POLR2C: variants seen among roughly 807,000 people sequenced by gnomAD.
POLR2C encodes DNA-directed RNA polymerase II subunit RPB3.
Under a neutral mutation model 41.7 loss-of-function variants are expected in POLR2C, and 36 were observed. The observed-to-expected ratio is 0.86, with a 90% CI of 0.66 to 1.14. The LOEUF (loss-of-function observed/expected upper bound fraction) is 1.14. Ranked by LOEUF, POLR2C falls within the 50% of genes most tolerant of loss-of-function variation. The pLI is 0.00. For synonymous variants in POLR2C, 133 were observed against 137.8 expected, an observed-to-expected ratio of 0.96 and a Z score of 0.25; for missense variants, 260 against 350.4, an observed-to-expected ratio of 0.74 and a Z score of 2.06.
intron 4 of POLR2C, among the ~76,000 whole-genome samples, chr16:57,466,540 A>G (rs754906291): frequency 1.8e-4 from 28 of 152,174 alleles, no homozygotes; most frequent in Admixed American, 1.6e-3. Flanking sequence ...ACAGGAGTCA[A>G]CAGAAGGTTG....
intron 8 of POLR2C, among the ~76,000 whole-genome samples, chr16:57,470,668 A>T (rs1318709028): frequency 1.3e-5 from 2 of 152,192 alleles, no homozygotes; most frequent in East Asian, 3.9e-4. Context: ...GGTGACTGTG[A>T]AAGGTCTATC....
chr16:57,463,010 T>C lies in POLR2C; in HGVS notation c.87-19T>C. The C allele has an allele frequency of 6.2e-7, 1 of 1,611,686 alleles. No homozygotes were observed. Among genetic ancestry groups the C allele is most frequent in the Non-Finnish European group, 8.5e-7 (1 of 1,178,174 alleles). On this transcript the variant is annotated intron_variant, in intron 1 of 8. Coordinates refer to ENST00000219252, the MANE Select transcript of POLR2C (RefSeq NM_032940.3). ...CGAGGCTGCAGCGCCTTCACGCCCC[T>C]TGGCTTTTGATCTTTCAGGGTGGCC...
intron 4 of POLR2C, among the ~76,000 whole-genome samples, chr16:57,466,555 A>G (rs542781314): frequency 6.6e-6 from 1 of 152,300 alleles, no homozygotes; most frequent in Non-Finnish European, 1.5e-5. Flanking sequence ...AGGTTGGGGT[A>G]GGCAAGGAGC....
intron 8 of POLR2C, among the ~76,000 whole-genome samples, 199 bp from the exon 9 acceptor site, chr16:57,470,776 A>G (rs192808268): frequency 6.6e-6 from 1 of 152,326 alleles, no homozygotes; most frequent in East Asian, 1.9e-4. Context: ...AGGTAGTTGT[A>G]GCCTCCTTGA....
At chr16:57,466,064 G>T (rs374581053) in intron 3 of POLR2C, 43 bp downstream of exon 3, 6 of 1,450,274 alleles carry the variant, frequency 4.1e-6, no homozygotes, top group Non-Finnish European at 5.8e-6. Context: ...AGGGTATTGT[G>T]CCTAGTGTCA....
rs1419716585 is a variant in POLR2C, at chr16:57,469,374, A to G, written c.387+81A>G. 6.7e-7 allele frequency: 1 copy of G among 1,483,634 alleles called. No homozygotes were observed. Among genetic ancestry groups the G allele is most frequent in the East Asian group, 2.3e-5 (1 of 44,206 alleles). 91.9% of individuals were successfully genotyped at this position (1,483,634 alleles called of 1,614,324 possible). On this transcript the variant is annotated intron_variant, in intron 5 of 8. Transcript: ENST00000219252. The surrounding 1 kb of genome is among the most constrained non-coding windows in gnomAD (Gnocchi z 5.8). ...CTCCAAGTGGGCCAGACTGGGGTTG[A>G]TCCTTAGAAAATGTTGGCTTTCCCT...
Position 57,469,807 on chromosome 16 carries a change from G to T in POLR2C, c.439+46G>T. 1 of 1,590,472 alleles carries T rather than the reference G, an allele frequency of 6.3e-7. No individual in the cohort carries two copies. The highest frequency in any genetic ancestry group is 8.6e-7 in the Non-Finnish European group (1 of 1,158,502). ...ACCGTGTGGGCCAGCGGGAAGGAGGGACCAGACACAGCCTCTCGTGCTGCC... is the reference window on the plus strand; with the variant it reads ...ACCGTGTGGGCCAGCGGGAAGGAGGTACCAGACACAGCCTCTCGTGCTGCC... On this transcript the variant is annotated intron_variant, in intron 6 of 8. Coordinates refer to ENST00000219252, the MANE Select transcript of POLR2C (RefSeq NM_032940.3). This position sits in a 1 kb window ranked among gnomAD's most constrained non-coding sequence, Gnocchi z 5.8.
At chr16:57,464,495 T>C (rs2030655601) in intron 2 of POLR2C, among the ~76,000 whole-genome samples, 1 of 152,236 alleles carries the variant, frequency 6.6e-6, no homozygotes, top group East Asian at 1.9e-4. Flanking sequence ...TGATTATACT[T>C]GTATGAAATA....
At position 57,469,659 on chromosome 16, in the gene POLR2C, A is replaced by T. The variant is rs1164839117; in HGVS notation, c.388-51A>T. On this transcript the variant is annotated intron_variant, in intron 5 of 8. Transcript: ENST00000219252. The surrounding 1 kb of genome is among the most constrained non-coding windows in gnomAD (Gnocchi z 5.8). ...GGTGCTGGGATATGGATGCCAGAGG[A>T]GGTGACTGGGGAGGTGAGCAGCTAA... 2.1e-6 allele frequency: 3 copies of T among 1,442,462 alleles called. No individual in the cohort carries two copies. Among genetic ancestry groups the T allele is most frequent in the Non-Finnish European group, 2.9e-6 (3 of 1,024,712 alleles). 89.4% of individuals were successfully genotyped at this position (1,442,462 alleles called of 1,614,324 possible). A position where few individuals can be genotyped will look rare whatever the true frequency, so the allele number is the denominator to read the frequency against.
At chr16:57,470,425 A>T (rs980700543) in intron 8 of POLR2C, 71 bp downstream of exon 8, 34 of 1,118,832 alleles carry the variant, frequency 3.0e-5, no homozygotes, top group South Asian at 9.8e-5. Flanking sequence ...GCCGTGAGTT[A>T]GGCATTCCCT....
rs905923306 is a variant in POLR2C, at chr16:57,469,604, C to T, written c.388-106C>T. The T allele has an allele frequency of 4.5e-5, 44 of 985,762 alleles. No individual in the cohort carries two copies. The highest frequency in any genetic ancestry group is 2.0e-4 in the Middle Eastern group (1 of 4,930). 61.1% of individuals were successfully genotyped at this position (985,762 alleles called of 1,614,324 possible). ...CTGTGCCACCACCTCGTCAGGTGTT[C>T]GTTCCCTGGTTGACAGATTGCAGTC... On this transcript the variant is annotated intron_variant, in intron 5 of 8. Coordinates refer to ENST00000219252, the MANE Select transcript of POLR2C (RefSeq NM_032940.3). The surrounding 1 kb of genome is among the most constrained non-coding windows in gnomAD (Gnocchi z 5.8).
rs1244472861 is a variant in POLR2C at position 57,469,146 on chromosome 16, GCTTCCCTTCCTGC to G, written c.259-15_259-3del. 1 of 1,605,300 alleles carries G rather than the reference GCTTCCCTTCCTGC, an allele frequency of 6.2e-7. No homozygotes were observed. ...TGCCATCTCCCTTTGACTCATTCCT[GCTTCCCTTCCTGC>G]CTTAGGACTGCACATGTGAGGAGTT... is the stretch of plus-strand genomic sequence containing the variant. On this transcript the variant is annotated splice_polypyrimidine_tract_variant and splice_region_variant and intron_variant, in intron 4 of 8. Transcript: ENST00000219252. The surrounding 1 kb of genome is among the most constrained non-coding windows in gnomAD (Gnocchi z 5.8).
chr16:57,464,664 AC>A (rs1221336491), intron 2 of POLR2C, among the ~76,000 whole-genome samples: 2 of 55,122 alleles, frequency 3.6e-5, no homozygotes, highest in African/African-American at 6.9e-5. Context: ...CCACCACCCC[AC>A]CCCCCCGCCC....
chr16:57,470,965 T>G lies in POLR2C; in HGVS notation c.684-10T>G. 1.2e-6 allele frequency: 2 copies of G among 1,611,664 alleles called. No homozygotes were observed. The highest frequency in any genetic ancestry group is 1.7e-6 in the Non-Finnish European group (2 of 1,179,788). ...CCTCGCAGTGCACTCACTGGACTCT[T>G]GCCTCCTAGGTTTTACTACAATGTG... is the stretch of plus-strand genomic sequence containing the variant. On this transcript the variant is annotated splice_polypyrimidine_tract_variant and intron_variant, in intron 8 of 8. Transcript: ENST00000219252.
chr16:57,466,212 G>A lies in POLR2C; in HGVS notation c.243G>A (p.Lys81=), dbSNP rs1355258067. The A allele has an allele frequency of 1.3e-6, 2 of 1,596,454 alleles. No individual in the cohort carries two copies. The highest frequency in any genetic ancestry group is 1.8e-5 in the Admixed American group (1 of 55,950). The change falls in exon 4 of 9, where the codon AAG becomes AAA. Residue 81 remains lysine, a synonymous_variant. Coordinates refer to ENST00000219252, the MANE Select transcript of POLR2C (RefSeq NM_032940.3). ...IPLISDDIVD[K]LQYSRDCTCE... is the part of the protein sequence containing the mutation. The stretch of plus-strand genomic sequence containing the variant: ...TCATTAGTGATGACATTGTGGACAA[G>A]CTGCAGTACTCTCGGGTATGTTGTG...
intron 2 of POLR2C, 23 bp downstream of exon 2, chr16:57,463,101 T>C: frequency 6.3e-7 from 1 of 1,598,468 alleles, no homozygotes; most frequent in Non-Finnish European, 8.6e-7. Context: ...CCTTCCTCGT[T>C]CCCGCGCCCA....
intron 2 of POLR2C, among the ~76,000 whole-genome samples, chr16:57,464,659 A>ACCCCCCCCCCCCCCCCCCCCCCCCCCCCC (rs1390227792): frequency 1.0e-5 from 1 of 96,388 alleles, no homozygotes; most frequent in Admixed American, 1.1e-4. Context: ...TACCACCACC[A>ACCCCCCCCCCCCCCCCCCCCCCCCCCCCC]CCCCACCCCC....
rs1443146003 is a variant in POLR2C at position 57,469,460 on chromosome 16, G to A, written c.387+167G>A. The A allele has an allele frequency of 2.9e-5, 23 of 799,084 alleles. No homozygotes were observed. Among genetic ancestry groups the A allele is most frequent in the Middle Eastern group, 2.2e-4 (1 of 4,484 alleles). 49.5% of individuals were successfully genotyped at this position (799,084 alleles called of 1,614,324 possible). A position where few individuals can be genotyped will look rare whatever the true frequency, so the allele number is the denominator to read the frequency against. On this transcript the variant is annotated intron_variant, in intron 5 of 8. Coordinates refer to ENST00000219252, the MANE Select transcript of POLR2C (RefSeq NM_032940.3). This position sits in a 1 kb window ranked among gnomAD's most constrained non-coding sequence, Gnocchi z 5.8. ...TAATTCTGGATTCCTCTTGGGCATC[G>A]TTAGCATCGTTGGTGCTGCGCACCC...
chr16:57,467,902 T>C (rs2030747716), intron 4 of POLR2C, among the ~76,000 whole-genome samples: 2 of 152,240 alleles, frequency 1.3e-5, no homozygotes, highest in African/African-American at 4.8e-5. Flanking sequence ...CACTTTAGTC[T>C]CTTTTCATCT....
Sources: allele counts gnomAD v4.1 joint callset (sites outside exome capture counted in the v4.1 genomes callset), GRCh38; gene constraint gnomAD v4.1.1; non-coding constraint Gnocchi (gnomAD v3.1); transcripts MANE v1.5; gene names NCBI Gene and HGNC (gene_info 2026-07-23, HGNC 2026-07-21).